Variants in NCKAP5 observed in about 807,000 individuals in gnomAD.
The protein encoded by NCKAP5 is NCK associated protein 5.
A neutral mutation model predicts 167.0 loss-of-function variants in NCKAP5; 92 were observed. The observed-to-expected ratio is 0.55, with a 90% CI of 0.47 to 0.66. The LOEUF (loss-of-function observed/expected upper bound fraction) is 0.66, where lower values mean the gene tolerates loss of function less well. NCKAP5 is among the 30% of genes least tolerant of loss of function. The pLI, the probability that NCKAP5 is intolerant of heterozygous loss-of-function variation, is 0.00. For missense variants in NCKAP5, 2,378 were observed against 2,315.0 expected (o/e 1.03, Z -0.56); for synonymous variants, 891 against 877.4 (o/e 1.02, Z -0.27).
intron 3 of NCKAP5, among the ~76,000 whole-genome samples, chr2:133,508,242 A>G (rs1291959804): frequency 6.6e-6 from 1 of 152,180 alleles, no homozygotes; most frequent in Non-Finnish European, 1.5e-5. Context: ...GGCTTTCTCA[A>G]TAAATTTCTG....
chr2:133,380,991 C>T (rs942197671), intron 3 of NCKAP5, among the ~76,000 whole-genome samples: 2 of 152,206 alleles, frequency 1.3e-5, no homozygotes, highest in Non-Finnish European at 2.9e-5. Context: ...ATTGAACCCC[C>T]TCTTATCCCA....
At chr2:133,433,556 C>A (rs373623895) in intron 3 of NCKAP5, 2 of 152,094 alleles carry the variant, frequency 1.3e-5, no homozygotes, top group Non-Finnish European at 2.9e-5. Flanking sequence ...AGTTATTTTG[C>A]AGAGTTGGGC....
chr2:132,810,727 C>T (rs1228498494), intron 11 of NCKAP5, among the ~76,000 whole-genome samples: 2 of 152,158 alleles, frequency 1.3e-5, no homozygotes, highest in African/African-American at 4.8e-5. Flanking sequence ...TCTGATCCCT[C>T]CCTGATTAGC....
In NCKAP5 at chr2:132,794,245, TATATATATATATATATATAGAGAGAGAG is replaced by T. The variant is rs1317115703; in HGVS notation, c.909+2355_909+2382del. Among the ~76,000 whole-genome samples the T allele has an allele frequency of 7.9e-3, 473 of 59,848 alleles. 2 individuals carry two copies. The highest frequency in any genetic ancestry group is 0.027 in the African/African-American group (447 of 16,290). The allele number at this position is 59,848 out of a possible 152,430, so 39.3% of individuals were successfully genotyped here. On this transcript the variant is annotated intron_variant, in intron 12 of 19. Coordinates refer to ENST00000409261, the MANE Select transcript of NCKAP5 (RefSeq NM_207363.3). ...ATACATATATATATATATATATATATATATATATATATATATATAGAGAGAGAGAGAGAGAGAGAGAGAGAGAGAGAGA... is the reference window on the plus strand; with the variant it reads ...ATACATATATATATATATATATATATAGAGAGAGAGAGAGAGAGAGAGAGA...
intron 6 of NCKAP5, among the ~76,000 whole-genome samples, chr2:133,115,106 G>A (rs2149731933): frequency 6.6e-6 from 1 of 152,208 alleles, no homozygotes; most frequent in South Asian, 2.1e-4. Context: ...TAAAAAGTTG[G>A]TTTCCTAGAA....
chr2:133,561,483 G>A (rs1029177169), intron 1 of NCKAP5, among the ~76,000 whole-genome samples: 1 of 152,186 alleles, frequency 6.6e-6, no homozygotes, highest in Non-Finnish European at 1.5e-5. Context: ...TTCCTCTGAT[G>A]AAGCTATACT....
chr2:132,986,450 G>A (rs981317037), intron 7 of NCKAP5, among the ~76,000 whole-genome samples: 6 of 152,120 alleles, frequency 3.9e-5, no homozygotes, highest in African/African-American at 9.7e-5. Context: ...GATTTAAGGA[G>A]ATGCCCATAC....
chr2:133,628,126 A>G, the NCKAP5 span, among the ~76,000 whole-genome samples: 1 of 152,152 alleles, frequency 6.6e-6, no homozygotes, highest in African/African-American at 2.4e-5. Context: ...CAACATAGTA[A>G]TGGAAGTTCT....
intron 3 of NCKAP5, among the ~76,000 whole-genome samples, chr2:133,413,556 A>T (rs968837721): frequency 1.3e-5 from 2 of 152,080 alleles, no homozygotes; most frequent in Non-Finnish European, 2.9e-5. Flanking sequence ...TTTCTGTATT[A>T]TTTCTCACAA....
chr2:133,522,259 T>C (rs1303863039), intron 2 of NCKAP5, among the ~76,000 whole-genome samples: 2 of 152,152 alleles, frequency 1.3e-5, no homozygotes, highest in Non-Finnish European at 2.9e-5. Flanking sequence ...AATGCCCCAG[T>C]CTGTGGGTAC....
intron 5 of NCKAP5, 77 bp from the exon 6 acceptor site, chr2:133,130,188 T>C (rs2082551989): frequency 5.4e-6 from 8 of 1,475,990 alleles, no homozygotes; most frequent in South Asian, 1.3e-5. Flanking sequence ...TATCAAGTGA[T>C]AACTTGAGCT....
chr2:133,026,383 T>G (rs902409408), intron 6 of NCKAP5, among the ~76,000 whole-genome samples: 8 of 151,022 alleles, frequency 5.3e-5, no homozygotes, highest in African/African-American at 1.7e-4. Flanking sequence ...CTAGTGTTTT[T>G]TTTTTTTTTT....
At chr2:133,252,857 T>C (rs2088420243) in intron 4 of NCKAP5, among the ~76,000 whole-genome samples, 1 of 152,198 alleles carries the variant, frequency 6.6e-6, no homozygotes, top group Non-Finnish European at 1.5e-5. Flanking sequence ...CGTTCCAATG[T>C]CCAGAATAAT....
chr2:133,308,077 C>CTT (rs1574659188), intron 3 of NCKAP5, among the ~76,000 whole-genome samples: 2 of 118,324 alleles, frequency 1.7e-5, no homozygotes, highest in African/African-American at 6.6e-5. Flanking sequence ...AATTATTGTT[C>CTT]TATTTTTTTT....
chr2:132,827,289 C>A (rs1403235473), intron 11 of NCKAP5, among the ~76,000 whole-genome samples: 2 of 152,098 alleles, frequency 1.3e-5, no homozygotes, highest in East Asian at 3.9e-4. Context: ...CCATTTCCAT[C>A]CCTTTTAAAT....
intron 8 of NCKAP5, among the ~76,000 whole-genome samples, chr2:132,905,119 A>G (rs1022448516): frequency 6.6e-6 from 1 of 152,018 alleles, no homozygotes; most frequent in African/African-American, 2.4e-5. Context: ...TGGTACATTT[A>G]TCTCTTTAAT....
intron 6 of NCKAP5, among the ~76,000 whole-genome samples, chr2:133,032,315 C>T (rs2078904674): frequency 6.6e-6 from 1 of 152,116 alleles, no homozygotes. Context: ...GGAACATTTG[C>T]TAGTTTGGCA....
At chr2:132,764,894 C>T (rs1681315986) in intron 16 of NCKAP5, among the ~76,000 whole-genome samples, 1 of 152,164 alleles carries the variant, frequency 6.6e-6, no homozygotes, top group Non-Finnish European at 1.5e-5. Context: ...ATTTCTTCTA[C>T]ATTAAATTTC....
intron 8 of NCKAP5, among the ~76,000 whole-genome samples, chr2:132,941,785 C>T (rs898977231): frequency 1.3e-5 from 2 of 152,128 alleles, no homozygotes; most frequent in African/African-American, 2.4e-5. Flanking sequence ...ATATTTCTGC[C>T]ATTTCCCAGC....
Sources: allele counts gnomAD v4.1 joint callset (sites outside exome capture counted in the v4.1 genomes callset), GRCh38; gene constraint gnomAD v4.1.1; transcripts MANE v1.5; gene names NCBI Gene and HGNC (gene_info 2026-07-23, HGNC 2026-07-21).